The following FOLH1 variants were observed in gnomAD, a reference collection of about 807,000 sequenced individuals.
FOLH1 encodes folate hydrolase 1, also known as glutamate carboxypeptidase 2.
A neutral mutation model predicts 93.9 loss-of-function variants in FOLH1; 54 were observed. That is an observed-to-expected ratio of 0.57 (90% confidence interval 0.46 to 0.72). The LOEUF is 0.72. Among genes scored for constraint, FOLH1 ranks in the 30% least tolerant of loss-of-function variants. The pLI is 0.00. For synonymous variants in FOLH1, 249 were observed against 303.6 expected (o/e 0.82, Z 1.87); for missense variants, 571 against 892.5 (o/e 0.64, Z 4.59).
chr11:49,198,265 A>T (rs1186400495), intron 3 of FOLH1, among the ~76,000 whole-genome samples: 2 of 152,110 alleles, frequency 1.3e-5, no homozygotes, highest in African/African-American at 2.4e-5. Context: ...GTGGATAACG[A>T]GGTCAGCAGA....
chr11:49,195,873 C>T (rs551380703), intron 3 of FOLH1, among the ~76,000 whole-genome samples: 27 of 152,172 alleles, frequency 1.8e-4, no homozygotes, highest in African/African-American at 5.8e-4. Context: ...TTTAAAAAAT[C>T]GGCCAGGCAC....
intron 11 of FOLH1, among the ~76,000 whole-genome samples, chr11:49,170,089 T>G (rs533410850): frequency 5.7e-4 from 87 of 151,996 alleles, no homozygotes; most frequent in Non-Finnish European, 1.1e-3. Context: ...ATCTGGAGTA[T>G]GAAAGGAGCC....
intron 18 of FOLH1, among the ~76,000 whole-genome samples, 164 bp downstream of exon 18, chr11:49,148,475 C>T (rs1252269509): frequency 6.6e-6 from 1 of 151,446 alleles, no homozygotes. Context: ...AATCATATTA[C>T]ATTATATGAA....
intron 10 of FOLH1, among the ~76,000 whole-genome samples, chr11:49,172,203 C>T (rs1859408870): frequency 1.3e-5 from 2 of 152,104 alleles, no homozygotes; most frequent in South Asian, 4.1e-4. Flanking sequence ...GTAATTGTCA[C>T]AGTGATGTTT....
chr11:49,183,593 A>G (rs1000467076), intron 6 of FOLH1, among the ~76,000 whole-genome samples: 23 of 152,222 alleles, frequency 1.5e-4, no homozygotes, highest in African/African-American at 5.1e-4. Context: ...CATTTATATT[A>G]GCCAAATATT....
chr11:49,196,416 G>T (rs12803160), intron 3 of FOLH1, among the ~76,000 whole-genome samples: 1 of 152,066 alleles, frequency 6.6e-6, no homozygotes, highest in Non-Finnish European at 1.5e-5. Context: ...TAATTTAATT[G>T]CAATAAAACC....
intron 12 of FOLH1, among the ~76,000 whole-genome samples, chr11:49,166,952 C>CG (rs1421990959): frequency 6.6e-6 from 1 of 151,764 alleles, no homozygotes; most frequent in African/African-American, 2.4e-5. Flanking sequence ...GGGAGGCTGA[C>CG]GGGGGAGGAT....
intron 17 of FOLH1, among the ~76,000 whole-genome samples, chr11:49,153,356 A>T (rs1218020926): frequency 6.6e-6 from 1 of 151,494 alleles, no homozygotes; most frequent in Non-Finnish European, 1.5e-5. Context: ...TGTGGAGGTA[A>T]TGACAAAAAC....
At chr11:49,169,956 C>T (rs766217053) in intron 11 of FOLH1, among the ~76,000 whole-genome samples, 1 of 152,040 alleles carries the variant, frequency 6.6e-6, no homozygotes, top group Non-Finnish European at 1.5e-5. Context: ...ACAAATTACA[C>T]CGTCAAAATA....
intron 4 of FOLH1, among the ~76,000 whole-genome samples, chr11:49,191,067 G>T (rs1359475273): frequency 2.0e-5 from 3 of 152,170 alleles, no homozygotes; most frequent in African/African-American, 7.2e-5. Flanking sequence ...CCTGAGGTCA[G>T]GAGGCGCGAT....
chr11:49,169,801 CT>C (rs777203801), intron 11 of FOLH1, among the ~76,000 whole-genome samples: 1 of 152,108 alleles, frequency 6.6e-6, no homozygotes, highest in Non-Finnish European at 1.5e-5. Flanking sequence ...TAATTGCACA[CT>C]TTTAGAACAA....
In FOLH1 at chr11:49,185,774, A is replaced by C. The variant is rs763074472; in HGVS notation, c.721T>G (p.Ser241Ala). Residue 241 changes from serine to alanine, a missense_variant, in exon 6 of 19, where the codon TCC becomes GCC. By Grantham distance (99) the Ser-to-Ala change is moderately conservative. Transcript: ENST00000256999. ...PADYFAPGVK[S>A]YPDGWNLPGG... is the part of the protein sequence containing the mutation. ...GGAAGATTCCAACCATCTGGATAGGACTTCACCCCAGGAGCAAAGTAGTCA... is the reference window on the plus strand; with the variant it reads ...GGAAGATTCCAACCATCTGGATAGGCCTTCACCCCAGGAGCAAAGTAGTCA... 7 of 1,610,194 alleles carry C rather than the reference A, an allele frequency of 4.3e-6. No homozygotes were observed. Among genetic ancestry groups the C allele is most frequent in the Non-Finnish European group, 5.9e-6 (7 of 1,178,714 alleles).
chr11:49,149,561 AAC>A (rs1856237420), intron 17 of FOLH1, among the ~76,000 whole-genome samples: 1 of 151,960 alleles, frequency 6.6e-6, no homozygotes, highest in Non-Finnish European at 1.5e-5. Flanking sequence ...AATGGAATGT[AAC>A]AGTTTTTTTT....
At chr11:49,183,434 A>C (rs933159715) in intron 6 of FOLH1, among the ~76,000 whole-genome samples, 192 bp from the exon 7 acceptor site, 2 of 152,174 alleles carry the variant, frequency 1.3e-5, no homozygotes, top group African/African-American at 2.4e-5. Flanking sequence ...AATCTAGGCT[A>C]AAATTATACA....
intron 11 of FOLH1, among the ~76,000 whole-genome samples, chr11:49,169,826 T>A (rs947562013): frequency 2.6e-5 from 4 of 152,218 alleles, no homozygotes; most frequent in African/African-American, 4.8e-5. Context: ...GTAGCAAAGT[T>A]TTTTTGAGAT....
chr11:49,201,253 A>AATAT (rs1456405346), intron 2 of FOLH1, among the ~76,000 whole-genome samples: 11 of 108,446 alleles, frequency 1.0e-4, no homozygotes, highest in African/African-American at 4.2e-4. Flanking sequence ...GTAGCATGAA[A>AATAT]AGATATATAT....
At chr11:49,165,796 T>C (rs1349203424) in intron 12 of FOLH1, among the ~76,000 whole-genome samples, 1 of 152,156 alleles carries the variant, frequency 6.6e-6, no homozygotes, top group Non-Finnish European at 1.5e-5. Context: ...ACAGAATTGT[T>C]TATGGAACTT....
intron 3 of FOLH1, 86 bp from the exon 4 acceptor site, chr11:49,192,980 T>G (rs539392299): frequency 2.2e-5 from 26 of 1,175,056 alleles, no homozygotes; most frequent in Non-Finnish European, 3.5e-6. Flanking sequence ...ATATTATCTT[T>G]TATGTCAGTA....
intron 15 of FOLH1, 120 bp from the exon 16 acceptor site, chr11:49,154,612 C>T (rs1856816652): frequency 6.8e-7 from 1 of 1,479,654 alleles, no homozygotes; most frequent in South Asian, 1.4e-5. Flanking sequence ...AGTACTTAAG[C>T]ATCTCAATAA....
Sources: gnomAD v4.1 joint callset for allele counts (sites outside exome capture counted in the v4.1 genomes callset) on GRCh38, gnomAD v4.1.1 for gene constraint, MANE v1.5 for transcripts, NCBI Gene and HGNC (gene_info 2026-07-23, HGNC 2026-07-21) for gene names.